The following PIK3CD variants were observed in gnomAD, a reference collection of about 807,000 sequenced individuals.
PIK3CD encodes the protein phosphatidylinositol-4,5-bisphosphate 3-kinase catalytic subunit delta.
PIK3CD carries 20 observed loss-of-function variants against 122.9 expected under a neutral mutation model. The observed-to-expected ratio is 0.16, with a 90% CI of 0.11 to 0.24. PIK3CD has a LOEUF of 0.24. Ranked by LOEUF, PIK3CD falls within the 10% of genes least tolerant of loss-of-function variation. PIK3CD has a pLI of 1.00. For missense variants in PIK3CD, 787 were observed against 1,406.3 expected, an observed-to-expected ratio of 0.56 and a Z score of 7.04; for synonymous variants, 596 against 593.4, an observed-to-expected ratio of 1.00 and a Z score of -0.06.
intron 1 of PIK3CD, chr1:9,654,252 A>G (rs1407264049): frequency 7.3e-7 from 1 of 1,367,602 alleles, no homozygotes; most frequent in Admixed American, 1.9e-5. Flanking sequence ...GACCACGCAG[A>G]TGTCCCCTTC....
intron 1 of PIK3CD, among the ~76,000 whole-genome samples, chr1:9,659,338 G>T (rs531399922): frequency 1.3e-5 from 2 of 152,056 alleles, no homozygotes; most frequent in African/African-American, 4.8e-5. Context: ...TAATTTAGTC[G>T]TAATTAGTAG....
chr1:9,721,966 G>T lies in PIK3CD; in HGVS notation c.2056-9G>T, dbSNP rs2100974965. 1 of 1,613,444 alleles carries T rather than the reference G, an allele frequency of 6.2e-7. No individual in the cohort carries two copies. The highest frequency in any genetic ancestry group is 8.5e-7 in the Non-Finnish European group (1 of 1,179,990). Reference sequence around the variant, plus strand: ...CCTGCCCACCGCCGCCCTCCCATCTGCCCACCAGGGGGAAGCACTGAGCAA... The same window carrying T: ...CCTGCCCACCGCCGCCCTCCCATCTTCCCACCAGGGGGAAGCACTGAGCAA... On this transcript the variant is annotated splice_polypyrimidine_tract_variant and intron_variant, in intron 16 of 23. Transcript: ENST00000377346.
rs1366821546 is a variant in PIK3CD at position 9,715,870 on chromosome 1, T to C, written c.392T>C (p.Leu131Ser). ...IGKGLHEFDSLCDPEVNDFRA... is the reference protein window; with the variant it reads ...IGKGLHEFDSSCDPEVNDFRA... Reference sequence around the variant, plus strand: ...GCAGGCCTCCACGAGTTTGACTCCTTGTGCGACCCAGAAGTGAACGACTTT... The same window carrying C: ...GCAGGCCTCCACGAGTTTGACTCCTCGTGCGACCCAGAAGTGAACGACTTT... The change falls in exon 5 of 24, where the codon TTG becomes TCG. Residue 131 changes from leucine (L) to serine (S), a missense_variant. By Grantham distance (145) the Leu-to-Ser change is moderately radical (BLOSUM62 -2). Transcript: ENST00000377346. This position sits in a 1 kb window ranked among gnomAD's most constrained non-coding sequence, Gnocchi z 4.1. 8 of 1,612,434 alleles carry C rather than the reference T, an allele frequency of 5.0e-6. No individual in the cohort carries two copies. Among genetic ancestry groups the C allele is most frequent in the Non-Finnish European group, 6.8e-6 (8 of 1,179,870 alleles).
chr1:9,666,227 CTTTTTTTTTTTTTTT>C (rs573382597), intron 1 of PIK3CD, among the ~76,000 whole-genome samples: 4 of 44,196 alleles, frequency 9.1e-5, no homozygotes, highest in East Asian at 1.1e-3. Flanking sequence ...CGCGCCCGGT[CTTTTTTTTTTTTTTT>C]TTTTTTTTTT....
At chr1:9,632,813 G>T in the PIK3CD span, among the ~76,000 whole-genome samples, 1 of 151,482 alleles carries the variant, frequency 6.6e-6, no homozygotes, top group African/African-American at 2.4e-5. Context: ...AGAGTTTCTT[G>T]GGAAGGCGGC....
intron 2 of PIK3CD, among the ~76,000 whole-genome samples, chr1:9,707,509 C>G (rs1646883869): frequency 6.6e-6 from 1 of 151,986 alleles, no homozygotes; most frequent in Admixed American, 6.6e-5. Flanking sequence ...TCATCCTCTC[C>G]CGACTCCCAC....
chr1:9,641,690 C>T, the PIK3CD span, among the ~76,000 whole-genome samples: 3 of 152,132 alleles, frequency 2.0e-5, no homozygotes, highest in Admixed American at 6.5e-5. Context: ...ACCTGCAAAA[C>T]CCACAACCCC....
intron 1 of PIK3CD, among the ~76,000 whole-genome samples, chr1:9,672,232 T>C (rs577476179): frequency 6.6e-6 from 1 of 152,180 alleles, no homozygotes. Flanking sequence ...CCATGATATA[T>C]CCATGTTTAT....
At chr1:9,692,558 G>C (rs1336866367) in intron 2 of PIK3CD, among the ~76,000 whole-genome samples, 3 of 150,550 alleles carry the variant, frequency 2.0e-5, no homozygotes, top group African/African-American at 7.3e-5. Flanking sequence ...GTGAAACCCT[G>C]TCTCTACTAA....
Position 9,728,936 on chromosome 1 carries a change from G to GTTCT in PIK3CD, c.*1893_*1896dup, listed in dbSNP as rs985565907. The GTTCT allele has an allele frequency of 2.6e-5, 4 of 152,320 alleles. No individual in the cohort carries two copies. The highest frequency in any genetic ancestry group is 9.6e-5 in the African/African-American group (4 of 41,564). 9.4% of individuals were successfully genotyped at this position (152,320 alleles called of 1,614,324 possible). On this transcript the variant is annotated 3_prime_UTR_variant, in exon 24 of 24. Coordinates refer to ENST00000377346, the MANE Select transcript of PIK3CD (RefSeq NM_005026.5). ...GAAAAGAAAGAAAAAGCCTTTTTAT[G>GTTCT]TTCTTTTATGTTCTCGGCTCAAAAA...
rs1395088914 is a variant in PIK3CD, at chr1:9,718,572, C to T, written c.1021-122C>T. 6.5e-6 allele frequency: 6 copies of T among 917,222 alleles called. No individual in the cohort carries two copies. The highest frequency in any genetic ancestry group is 2.6e-5 in the East Asian group (1 of 38,444). The allele number at this position is 917,222 out of a possible 1,614,324, so 56.8% of individuals were successfully genotyped here. On this transcript the variant is annotated intron_variant, in intron 8 of 23. Transcript: ENST00000377346. The surrounding 1 kb of genome is among the most constrained non-coding windows in gnomAD (Gnocchi z 7.2). ...TTCCCTGTGCTGCACCACCTTCCTT[C>T]GTGTGGGAAGTAGAGTTCAGACCCA...
At chr1:9,629,357 C>A in the PIK3CD span, among the ~76,000 whole-genome samples, 1 of 152,116 alleles carries the variant, frequency 6.6e-6, no homozygotes, top group East Asian at 1.9e-4. Context: ...TCCAGGAACC[C>A]CCAGGGGAGG....
intron 2 of PIK3CD, among the ~76,000 whole-genome samples, chr1:9,695,566 A>G (rs964047342): frequency 6.6e-6 from 1 of 152,208 alleles, no homozygotes; most frequent in African/African-American, 2.4e-5. Context: ...AAGACAGGCC[A>G]GGCGCAATGG....
chr1:9,724,386 G>A lies in PIK3CD; in HGVS notation c.2829G>A (p.Gln943=). ...ILTYDFVHVI[Q]QGKTNNSEKF... ...CCTACGACTTTGTCCATGTGATTCA[G>A]CAGGGGAAGACTAATAATAGTGAGA... The change falls in exon 22 of 24, where the codon CAG becomes CAA. Residue 943 remains glutamine (Q), a synonymous_variant. Transcript: ENST00000377346. This position sits in a 1 kb window ranked among gnomAD's most constrained non-coding sequence, Gnocchi z 7.3. 6.2e-7 allele frequency: 1 copy of A among 1,614,144 alleles called. No individual in the cohort carries two copies. Among genetic ancestry groups the A allele is most frequent in the East Asian group, 2.2e-5 (1 of 44,882 alleles).
At chr1:9,642,724 A>G in the PIK3CD span, among the ~76,000 whole-genome samples, 1 of 151,584 alleles carries the variant, frequency 6.6e-6, no homozygotes, top group African/African-American at 2.4e-5. Flanking sequence ...CTCAAAAAAA[A>G]AAAAAAAAAA....
chr1:9,725,510 G>A (rs1444042660), intron 23 of PIK3CD, among the ~76,000 whole-genome samples: 1 of 151,696 alleles, frequency 6.6e-6, no homozygotes, highest in East Asian at 2.0e-4. Flanking sequence ...AGCCGAGATT[G>A]TGCCATTGCA....
chr1:9,654,234 G>C (rs1322182156), intron 1 of PIK3CD: 1 of 1,367,686 alleles, frequency 7.3e-7, no homozygotes, highest in South Asian at 1.1e-5. Flanking sequence ...TGCCCCAGAG[G>C]TACTCCCGAC....
chr1:9,683,431 C>T (rs1014392914), intron 1 of PIK3CD, among the ~76,000 whole-genome samples: 3 of 146,402 alleles, frequency 2.0e-5, no homozygotes, highest in African/African-American at 7.7e-5. Flanking sequence ...GAGTGAGACT[C>T]TGTCTCAAAA....
intron 1 of PIK3CD, among the ~76,000 whole-genome samples, chr1:9,676,523 G>T (rs1459996922): frequency 6.6e-6 from 1 of 152,210 alleles, no homozygotes; most frequent in African/African-American, 2.4e-5. Context: ...GGCAAGCAAG[G>T]CCTGGCCTCT....
Sources: gnomAD v4.1 joint callset for allele counts (sites outside exome capture counted in the v4.1 genomes callset) on GRCh38, gnomAD v4.1.1 for gene constraint, Gnocchi (gnomAD v3.1) non-coding constraint, MANE v1.5 for transcripts, NCBI Gene and HGNC (gene_info 2026-07-23, HGNC 2026-07-21) for gene names.